Variants in NRXN3 observed in about 807,000 individuals in gnomAD.
The protein encoded by NRXN3 is neurexin III.
Under a neutral mutation model 137.6 loss-of-function variants are expected in NRXN3, and 32 were observed. That is an observed-to-expected ratio of 0.23 (90% CI 0.18 to 0.31). The LOEUF is 0.31. Among genes scored for constraint, NRXN3 ranks in the 10% least tolerant of loss-of-function variants. The probability of loss-of-function intolerance (pLI) is 1.00; values close to 1 mark genes in which losing one functional copy is unlikely to be tolerated. For missense variants in NRXN3, 1,574 were observed against 2,062.5 expected (o/e 0.76, Z 4.59); for synonymous variants, 798 against 784.5 (o/e 1.02, Z -0.29).
chr14:78,855,908 G>A lies in NRXN3; in HGVS notation c.2275+45564G>A, dbSNP rs80260959. Among the ~76,000 whole-genome samples, 1,888 of 152,228 alleles carry A rather than the reference G, an allele frequency of 0.012. 204 individuals carry two copies. The East Asian group carries it at 0.25, about 20-fold the overall frequency. On this transcript the variant is annotated intron_variant, in intron 10 of 20. Coordinates refer to ENST00000335750, the MANE Select transcript of NRXN3 (RefSeq NM_001330195.2). ...AATATAAAGATTTTCCTGTAAAAATGGAAGTGTCCCCAAGCCTGTGTTTCT... is the reference window on the plus strand; with the variant it reads ...AATATAAAGATTTTCCTGTAAAAATAGAAGTGTCCCCAAGCCTGTGTTTCT...
chr14:78,532,252 C>T (rs1354315336), intron 4 of NRXN3, among the ~76,000 whole-genome samples: 4 of 150,514 alleles, frequency 2.7e-5, no homozygotes, highest in African/African-American at 7.3e-5. Flanking sequence ...ACCCAGGAGG[C>T]GGAAGTTCTG....
intron 15 of NRXN3, among the ~76,000 whole-genome samples, chr14:79,427,976 G>A (rs1406234048): frequency 2.0e-5 from 3 of 151,992 alleles, no homozygotes; most frequent in Non-Finnish European, 4.4e-5. Flanking sequence ...CCATTCCCAC[G>A]TTCTGCACGT....
intron 15 of NRXN3, among the ~76,000 whole-genome samples, chr14:79,458,771 A>G (rs1346998591): frequency 6.6e-6 from 1 of 152,142 alleles, no homozygotes; most frequent in Non-Finnish European, 1.5e-5. Flanking sequence ...TCTCACATAG[A>G]CCTCATTATA....
rs547853843 is a variant in NRXN3, at chr14:79,863,729, G to C, written c.*1765G>C. ...TTGTATGGCCATAGCTATCCGAAAA[G>C]CAAGAGACAAAGCAAGACAAATATT... On this transcript the variant is annotated 3_prime_UTR_variant, in exon 21 of 21. Transcript: ENST00000335750. The C allele has an allele frequency of 4.6e-5, 7 of 152,590 alleles. No homozygotes were observed. The highest frequency in any genetic ancestry group is 8.8e-5 in the Non-Finnish European group (6 of 68,028). The allele number at this position is 152,590 out of a possible 1,614,324, so 9.5% of individuals were successfully genotyped here. A position where few individuals can be genotyped will look rare whatever the true frequency, so the allele number is the denominator to read the frequency against.
intron 15 of NRXN3, among the ~76,000 whole-genome samples, chr14:79,024,404 G>T (rs944242021): frequency 9.9e-5 from 15 of 152,202 alleles, no homozygotes; most frequent in Middle Eastern, 3.4e-3. Context: ...AATGTAATCT[G>T]CAGATCACAG....
At chr14:78,799,861 T>A (rs925775658) in intron 8 of NRXN3, among the ~76,000 whole-genome samples, 1 of 152,062 alleles carries the variant, frequency 6.6e-6, no homozygotes, top group Non-Finnish European at 1.5e-5. Flanking sequence ...ATGAGAGCAG[T>A]ATGGGGGAAA....
At position 79,383,944 on chromosome 14, in the gene NRXN3, T is replaced by G. The variant is rs115809375; in HGVS notation, c.3263-83277T>G. On this transcript the variant is annotated intron_variant, in intron 15 of 20. Transcript: ENST00000335750. ...TTTAAATTGACATTTGGTGAATGTA[T>G]CATCATTGCTATTCAAATTAGGTCA... Among the ~76,000 whole-genome samples the G allele has an allele frequency of 6.8e-3, 1,030 of 152,292 alleles. 7 individuals are homozygous for G. The highest frequency in any genetic ancestry group is 0.024 in the African/African-American group (981 of 41,568).
At chr14:79,530,591 T>C (rs1601705771) in intron 16 of NRXN3, among the ~76,000 whole-genome samples, 1 of 138,958 alleles carries the variant, frequency 7.2e-6, no homozygotes, top group Non-Finnish European at 1.5e-5. Flanking sequence ...AAGAGGTTTT[T>C]TGTTTTTTTT....
chr14:78,818,540 T>C (rs2098941372), intron 10 of NRXN3, among the ~76,000 whole-genome samples: 1 of 152,186 alleles, frequency 6.6e-6, no homozygotes, highest in African/African-American at 2.4e-5. Flanking sequence ...TATTACTTTC[T>C]CTGTAAAATA....
chr14:78,863,040 T>C (rs909819401), intron 10 of NRXN3, among the ~76,000 whole-genome samples: 1 of 152,164 alleles, frequency 6.6e-6, no homozygotes, highest in Non-Finnish European at 1.5e-5. Flanking sequence ...ATTTCTGATA[T>C]GCCTATAGGG....
chr14:79,290,932 A>G (rs1268719740), intron 15 of NRXN3, among the ~76,000 whole-genome samples: 2 of 152,206 alleles, frequency 1.3e-5, no homozygotes, highest in Admixed American at 1.3e-4. Context: ...CTTTGGGTCC[A>G]TTCTAGCCAC....
intron 17 of NRXN3, among the ~76,000 whole-genome samples, chr14:79,671,498 C>G (rs891465868): frequency 6.6e-6 from 1 of 152,030 alleles, no homozygotes; most frequent in Non-Finnish European, 1.5e-5. Flanking sequence ...CCTCTGGAAG[C>G]CTTGTCAGCC....
intron 4 of NRXN3, among the ~76,000 whole-genome samples, chr14:78,572,959 T>C (rs2152321481): frequency 6.6e-6 from 1 of 152,288 alleles, no homozygotes; most frequent in African/African-American, 2.4e-5. Context: ...TCCCCATGTA[T>C]CAAGGGTGAG....
intron 15 of NRXN3, among the ~76,000 whole-genome samples, chr14:79,233,743 A>T (rs2072698647): frequency 6.6e-6 from 1 of 151,812 alleles, no homozygotes; most frequent in African/African-American, 2.4e-5. Flanking sequence ...TAAATTTGGC[A>T]AGCTTTTCTA....
intron 4 of NRXN3, among the ~76,000 whole-genome samples, chr14:78,586,360 T>C (rs1288571006): frequency 6.6e-6 from 1 of 152,116 alleles, no homozygotes; most frequent in African/African-American, 2.4e-5. Flanking sequence ...GAGTTCTGCA[T>C]TGAAGGAAAG....
At chr14:78,222,757 A>G (rs1243763789) in intron 1 of NRXN3, among the ~76,000 whole-genome samples, 3 of 152,142 alleles carry the variant, frequency 2.0e-5, no homozygotes, top group Admixed American at 2.0e-4. Context: ...TCAGACCTAC[A>G]CTTTTTCTCT....
intron 15 of NRXN3, among the ~76,000 whole-genome samples, chr14:79,457,147 C>T (rs760661954): frequency 6.6e-6 from 1 of 151,768 alleles, no homozygotes; most frequent in Non-Finnish European, 1.5e-5. Flanking sequence ...GAATCTTTTA[C>T]GGACATGACA....
intron 15 of NRXN3, among the ~76,000 whole-genome samples, chr14:79,230,911 A>C (rs1008067415): frequency 3.3e-5 from 5 of 152,028 alleles, no homozygotes; most frequent in African/African-American, 1.2e-4. Context: ...CCTGCCTTTT[A>C]CCCTTTTCTT....
intron 15 of NRXN3, among the ~76,000 whole-genome samples, chr14:79,094,948 AAGAGAGAG>A (rs138948861): frequency 1.0e-4 from 14 of 134,720 alleles, no homozygotes; most frequent in Admixed American, 3.0e-4. Flanking sequence ...GAGAGAGAGA[AAGAGAGAG>A]AGAGAGAGAG....
Sources: allele counts gnomAD v4.1 joint callset (sites outside exome capture counted in the v4.1 genomes callset), GRCh38; gene constraint gnomAD v4.1.1; transcripts MANE v1.5; gene names NCBI Gene and HGNC (gene_info 2026-07-23, HGNC 2026-07-21).